The following RPS6KC1 variants were observed in gnomAD, a reference collection of about 807,000 sequenced individuals.
RPS6KC1 encodes inactive ribosomal protein S6 kinase delta-1.
In RPS6KC1, 54 loss-of-function variants were observed where a neutral mutation model predicts 103.8. The ratio of observed to expected loss-of-function variants is 0.52; its 90% confidence interval spans 0.42 to 0.65. RPS6KC1 has a LOEUF of 0.65. Ranked by LOEUF, RPS6KC1 falls within the 30% of genes least tolerant of loss-of-function variation. RPS6KC1 has a pLI of 0.00. For synonymous variants in RPS6KC1, 439 were observed against 438.7 expected, an observed-to-expected ratio of 1.00 and a Z score of -0.01; for missense variants, 1,151 against 1,253.8, an observed-to-expected ratio of 0.92 and a Z score of 1.24.
At chr1:213,676,087 T>C in the RPS6KC1 span, among the ~76,000 whole-genome samples, 7 of 152,214 alleles carry the variant, frequency 4.6e-5, no homozygotes, top group Non-Finnish European at 8.8e-5. Context: ...TGCAGTTCCC[T>C]GAGAAGAACG....
chr1:213,451,838 G>A, the RPS6KC1 span, among the ~76,000 whole-genome samples: 5 of 152,314 alleles, frequency 3.3e-5, no homozygotes, highest in African/African-American at 1.2e-4. Context: ...GGTCAGGGGA[G>A]TCCCGGATGG....
the RPS6KC1 span, among the ~76,000 whole-genome samples, chr1:213,342,905 T>C: frequency 3.9e-5 from 6 of 152,084 alleles, no homozygotes; most frequent in Non-Finnish European, 8.8e-5. Flanking sequence ...CCCAACACTT[T>C]GGGAGGCTGA....
chr1:213,745,033 G>A, the RPS6KC1 span, among the ~76,000 whole-genome samples: 3 of 152,202 alleles, frequency 2.0e-5, no homozygotes, highest in African/African-American at 7.2e-5. Context: ...TGGCAGTGGT[G>A]TCCCTACCTA....
the RPS6KC1 span, among the ~76,000 whole-genome samples, chr1:213,711,670 G>A: frequency 8.5e-5 from 13 of 152,126 alleles, no homozygotes; most frequent in African/African-American, 2.9e-4. Flanking sequence ...GGTCTTTGCT[G>A]TTGGTGCCCT....
Position 213,246,562 on chromosome 1 carries a change from T to C in RPS6KC1, c.2911+3904T>C, listed in dbSNP as rs1473543177. ...GTTTTTACACACATACACACAAAAG[T>C]TTTAGCCAAAAGATTTTATGTGCTT... On this transcript the variant is annotated intron_variant, in intron 12 of 14. Transcript: ENST00000366960. 2.0e-5 allele frequency among the ~76,000 whole-genome samples: 3 copies of C among 152,160 alleles called. No homozygotes were observed. The East Asian group carries it at 5.8e-4, about 29-fold the overall frequency.
chr1:213,788,735 C>T, the RPS6KC1 span, among the ~76,000 whole-genome samples: 1 of 152,142 alleles, frequency 6.6e-6, no homozygotes, highest in East Asian at 1.9e-4. Context: ...GGGTCTGACC[C>T]CCAAACTAAT....
intron 12 of RPS6KC1, among the ~76,000 whole-genome samples, chr1:213,242,952 A>G (rs1178250106): frequency 6.6e-6 from 1 of 152,142 alleles, no homozygotes; most frequent in African/African-American, 2.4e-5. Context: ...TAGTGTTTAC[A>G]AGGACCTTTA....
the RPS6KC1 span, among the ~76,000 whole-genome samples, chr1:213,685,572 G>A: frequency 6.6e-5 from 10 of 151,370 alleles, no homozygotes; most frequent in East Asian, 1.8e-3. Flanking sequence ...AGAGGTTGCC[G>A]TGAGCTGAGA....
At chr1:213,218,109 A>G (rs908547540) in intron 8 of RPS6KC1, among the ~76,000 whole-genome samples, 2 of 152,242 alleles carry the variant, frequency 1.3e-5, no homozygotes, top group African/African-American at 4.8e-5. Context: ...TGACATGATT[A>G]TATATCTAGA....
intron 5 of RPS6KC1, among the ~76,000 whole-genome samples, chr1:213,128,886 A>T (rs545347499): frequency 6.6e-6 from 1 of 152,356 alleles, no homozygotes; most frequent in East Asian, 1.9e-4. Context: ...TTGTTATAAA[A>T]GTTATAATAT....
At chr1:213,735,607 A>T in the RPS6KC1 span, among the ~76,000 whole-genome samples, 1 of 152,206 alleles carries the variant, frequency 6.6e-6, no homozygotes, top group African/African-American at 2.4e-5. Context: ...CATTAGACCA[A>T]TTTGGTACAA....
At chr1:213,779,240 T>A in the RPS6KC1 span, among the ~76,000 whole-genome samples, 7 of 152,128 alleles carry the variant, frequency 4.6e-5, no homozygotes, top group African/African-American at 1.7e-4. Context: ...CTGAGTGCCA[T>A]AAGGAGGCAT....
chr1:213,617,780 CA>C, the RPS6KC1 span, among the ~76,000 whole-genome samples: 2 of 152,104 alleles, frequency 1.3e-5, no homozygotes, highest in African/African-American at 4.8e-5. Flanking sequence ...TTCATGAGAA[CA>C]AAGACATTTC....
At chr1:213,721,805 G>A in the RPS6KC1 span, among the ~76,000 whole-genome samples, 1 of 152,180 alleles carries the variant, frequency 6.6e-6, no homozygotes, top group Non-Finnish European at 1.5e-5. Flanking sequence ...TCCATGGTAT[G>A]TGTTGGAATT....
the RPS6KC1 span, among the ~76,000 whole-genome samples, chr1:213,807,299 T>C: frequency 6.6e-6 from 1 of 152,232 alleles, no homozygotes; most frequent in Non-Finnish European, 1.5e-5. Context: ...TGGCGTTCTC[T>C]GTATTTCCTG....
chr1:213,357,323 C>A, the RPS6KC1 span, among the ~76,000 whole-genome samples: 1 of 152,086 alleles, frequency 6.6e-6, no homozygotes, highest in Non-Finnish European at 1.5e-5. Context: ...CCCTGTCCTG[C>A]CAGCTTTTCT....
chr1:213,397,514 C>G, the RPS6KC1 span, among the ~76,000 whole-genome samples: 1 of 151,214 alleles, frequency 6.6e-6, no homozygotes, highest in African/African-American at 2.4e-5. Flanking sequence ...CTGTCAGCAC[C>G]AAGGGTGGTC....
the RPS6KC1 span, among the ~76,000 whole-genome samples, chr1:213,453,484 GT>G: frequency 6.6e-6 from 1 of 152,070 alleles, no homozygotes; most frequent in Admixed American, 6.5e-5. Context: ...TGAAAAACAG[GT>G]GAGAGTTGTT....
chr1:213,321,059 G>A, the RPS6KC1 span, among the ~76,000 whole-genome samples: 1 of 152,130 alleles, frequency 6.6e-6, no homozygotes, highest in Non-Finnish European at 1.5e-5. Flanking sequence ...TTCTCAACTT[G>A]TGTCCTCTCT....
Sources: gnomAD v4.1 joint callset for allele counts (sites outside exome capture counted in the v4.1 genomes callset) on GRCh38, gnomAD v4.1.1 for gene constraint, MANE v1.5 for transcripts, NCBI Gene and HGNC (gene_info 2026-07-23, HGNC 2026-07-21) for gene names.